PRSS3: variants seen among roughly 807,000 people sequenced by gnomAD.
PRSS3 encodes the protein serine protease 3, also known as trypsin-3.
In PRSS3, 14 loss-of-function variants were observed where a neutral mutation model predicts 20.8. That is an observed-to-expected ratio of 0.67 (90% CI 0.44 to 1.05). PRSS3 has a LOEUF of 1.05. Among genes scored for constraint, PRSS3 ranks in the 50% least tolerant of loss-of-function variants. The pLI, the probability that PRSS3 is intolerant of heterozygous loss-of-function variation, is 0.00. For missense variants in PRSS3, 237 were observed against 306.4 expected, an observed-to-expected ratio of 0.77 and a Z score of 1.69; for synonymous variants, 91 against 117.6, an observed-to-expected ratio of 0.77 and a Z score of 1.46.
chr9:33,775,701 T>G (rs1389472568), intron 1 of PRSS3, among the ~76,000 whole-genome samples: 3 of 70,328 alleles, frequency 4.3e-5, no homozygotes, highest in African/African-American at 9.7e-5. Context: ...GGGCTTGAAG[T>G]TTTTTTTTTT....
At chr9:33,798,783 C>T (rs1432451143) in intron 4 of PRSS3, 161 bp downstream of exon 4, 17 of 1,232,946 alleles carry the variant, frequency 1.4e-5, no homozygotes, top group Admixed American at 4.4e-5. Flanking sequence ...CCTGCATTGC[C>T]CCCATGGAGA....
intron 1 of PRSS3, among the ~76,000 whole-genome samples, chr9:33,776,913 TTTAAAAAGCCTAA>T (rs1823960272): frequency 6.6e-6 from 1 of 152,126 alleles, no homozygotes; most frequent in Non-Finnish European, 1.5e-5. Flanking sequence ...AACAATATTT[TTTAAAAAGCCTAA>T]TTAAAAAGTA....
At chr9:33,794,946 G>A (rs1481340498), upstream of PRSS3, 53 of 1,528,192 alleles carry the variant, frequency 3.5e-5, no homozygotes, top group Non-Finnish European at 4.2e-5. Flanking sequence ...TGGTAGGAAG[G>A]AGAGCCATCT....
chr9:33,786,495 T>G, intron 1 of PRSS3: 1 of 744,566 alleles, frequency 1.3e-6, no homozygotes, highest in Non-Finnish European at 2.5e-6. Flanking sequence ...ACCCCAAGCT[T>G]GTCGGCCCTC....
intron 1 of PRSS3, 141 bp downstream of exon 1, chr9:33,795,754 C>G (rs1824887260): frequency 9.3e-7 from 1 of 1,072,244 alleles, no homozygotes; most frequent in Admixed American, 2.0e-5. Context: ...TCCCATCCTC[C>G]TTGGGCTCTC....
intron 1 of PRSS3, among the ~76,000 whole-genome samples, chr9:33,780,713 A>C (rs771870684): frequency 1.3e-5 from 2 of 152,238 alleles, no homozygotes; most frequent in African/African-American, 4.8e-5. Flanking sequence ...GAAAATATCT[A>C]TCAAGCAAAT....
intron 2 of PRSS3, among the ~76,000 whole-genome samples, chr9:33,797,083 C>T (rs1169551874): frequency 6.6e-6 from 1 of 150,564 alleles, no homozygotes; most frequent in Non-Finnish European, 1.5e-5. Flanking sequence ...CGACCTAAGA[C>T]AGAGTTTTTG....
intron 1 of PRSS3, among the ~76,000 whole-genome samples, chr9:33,777,531 C>CAAAAAA (rs74180503): frequency 0.098 from 9,893 of 101,008 alleles, 532 homozygotes; most frequent in Non-Finnish European, 0.14. Context: ...CTAAAAATAC[C>CAAAAAA]AAAAAAAAAA....
intron 1 of PRSS3, among the ~76,000 whole-genome samples, chr9:33,770,539 T>G (rs1359571240): frequency 1.3e-5 from 2 of 152,108 alleles, no homozygotes; most frequent in African/African-American, 2.4e-5. Flanking sequence ...CTCTCCAAAT[T>G]CAAATGTTGA....
At chr9:33,757,151 G>A (rs936578239) in intron 1 of PRSS3, among the ~76,000 whole-genome samples, 1 of 152,212 alleles carries the variant, frequency 6.6e-6, no homozygotes, top group Non-Finnish European at 1.5e-5. Context: ...TTGTTGTAAG[G>A]TGGATAGGTG....
intron 1 of PRSS3, among the ~76,000 whole-genome samples, chr9:33,760,951 C>T (rs530635481): frequency 6.6e-6 from 1 of 152,280 alleles, no homozygotes; most frequent in East Asian, 1.9e-4. Context: ...GCCTAATTTT[C>T]ATGACAGTTT....
At chr9:33,790,746 A>G (rs368489359), upstream of PRSS3, among the ~76,000 whole-genome samples, 13 of 152,340 alleles carry the variant, frequency 8.5e-5, no homozygotes, top group African/African-American at 2.9e-4. Flanking sequence ...GCACTGAAAC[A>G]AGAACCTTTT....
chr9:33,779,616 C>A (rs1405558459), intron 1 of PRSS3, among the ~76,000 whole-genome samples: 3 of 152,092 alleles, frequency 2.0e-5, no homozygotes, highest in African/African-American at 7.2e-5. Context: ...CGCCTGTAAT[C>A]CCAGCAGTCT....
At chr9:33,787,393 CTGGTGAGTTTTGGAG>C (rs1170022698) in intron 1 of PRSS3, among the ~76,000 whole-genome samples, 1 of 152,148 alleles carries the variant, frequency 6.6e-6, no homozygotes, top group African/African-American at 2.4e-5. Context: ...ACCTTCTATA[CTGGTGAGTTTTGGAG>C]TGGTCCAGAG....
chr9:33,797,742 A>G, intron 2 of PRSS3, 87 bp from the exon 3 acceptor site: 1 of 1,612,342 alleles, frequency 6.2e-7, no homozygotes, highest in Non-Finnish European at 8.5e-7. Flanking sequence ...GCTATCCATG[A>G]GCAGTGAGCT....
chr9:33,768,967 T>C lies in PRSS3; in HGVS notation c.-53+18240T>C, dbSNP rs144222932. On this transcript the variant is annotated intron_variant, in intron 1 of 5. Transcript: ENST00000342836. ...GAAATATGAATGTTAAAGGTACTTC[T>C]GGTGAGAACTTGGACAGAAATGAGA... Among the ~76,000 whole-genome samples the C allele has an allele frequency of 2.8e-4, 42 of 152,360 alleles. 1 individual carries two copies. The highest frequency in any genetic ancestry group is 9.6e-4 in the African/African-American group (40 of 41,586).
intron 1 of PRSS3, chr9:33,761,995 T>A (rs763956212): frequency 1.2e-4 from 18 of 152,190 alleles, no homozygotes; most frequent in Admixed American, 4.6e-4. Flanking sequence ...CTCTACTAGA[T>A]TATAAACTCC....
intron 4 of PRSS3, 107 bp downstream of exon 4, chr9:33,798,729 G>T: frequency 6.5e-7 from 1 of 1,530,784 alleles, no homozygotes; most frequent in Non-Finnish European, 8.9e-7. Context: ...TCCCTGCAGT[G>T]CTCCCATGGA....
chr9:33,783,352 T>C (rs1824256044), intron 1 of PRSS3, among the ~76,000 whole-genome samples: 1 of 152,192 alleles, frequency 6.6e-6, no homozygotes, highest in African/African-American at 2.4e-5. Flanking sequence ...AAATTTTACC[T>C]GAAAAACAGC....
Sources: allele counts gnomAD v4.1 joint callset (sites outside exome capture counted in the v4.1 genomes callset), GRCh38; gene constraint gnomAD v4.1.1; transcripts MANE v1.5; gene names NCBI Gene and HGNC (gene_info 2026-07-23, HGNC 2026-07-21).